Variants in ESR1 observed in about 807,000 individuals in gnomAD.
ESR1 encodes the protein estrogen receptor.
Under a neutral mutation model 52.7 loss-of-function variants are expected in ESR1, and 12 were observed. That is an observed-to-expected ratio of 0.23 (90% CI 0.15 to 0.37). ESR1 has a LOEUF of 0.37. Among genes scored for constraint, ESR1 ranks in the 10% least tolerant of loss-of-function variants. The probability of loss-of-function intolerance (pLI) is 1.00; values close to 1 mark genes in which losing one functional copy is unlikely to be tolerated. For missense variants in ESR1, 584 were observed against 779.7 expected (o/e 0.75, Z 2.99); for synonymous variants, 305 against 316.8 (o/e 0.96, Z 0.39).
chr6:151,865,348 A>T (rs1343604476), intron 2 of ESR1, among the ~76,000 whole-genome samples: 22 of 152,222 alleles, frequency 1.4e-4, no homozygotes. Flanking sequence ...GTATGGAGTA[A>T]TAATACCTTT....
chr6:152,008,688 T>A (rs1435110538), intron 4 of ESR1, among the ~76,000 whole-genome samples: 1 of 152,094 alleles, frequency 6.6e-6, no homozygotes, highest in African/African-American at 2.4e-5. Flanking sequence ...TGATTCTTTT[T>A]GAGGTTTATT....
intron 4 of ESR1, among the ~76,000 whole-genome samples, chr6:152,001,469 TCTTAAAGGCCTCAACTCTGTACACTG>T: frequency 6.6e-6 from 1 of 152,154 alleles, no homozygotes; most frequent in Admixed American, 6.5e-5. Flanking sequence ...CCTAATCACT[TCTTAAAGGCCTCAACTCTGTACACTG>T]CTACATTGTA....
At chr6:152,104,218 T>C (rs574355921), downstream of ESR1, among the ~76,000 whole-genome samples, 14 of 152,300 alleles carry the variant, frequency 9.2e-5, no homozygotes, top group Middle Eastern at 3.4e-3. Flanking sequence ...TTGAGGGTCT[T>C]CTCATTGTTT....
At chr6:151,940,474 C>A (rs1306838982) in intron 3 of ESR1, among the ~76,000 whole-genome samples, 1 of 152,148 alleles carries the variant, frequency 6.6e-6, no homozygotes, top group Non-Finnish European at 1.5e-5. Flanking sequence ...GTTCCAAAGC[C>A]AAAACCTGTG....
At chr6:152,062,053 T>C (rs932775404) in intron 6 of ESR1, among the ~76,000 whole-genome samples, 1 of 152,216 alleles carries the variant, frequency 6.6e-6, no homozygotes. Flanking sequence ...TGGGCCTGAC[T>C]TAGTTTCTTA....
chr6:151,735,570 T>C (rs1191989590), intron 2 of ESR1, among the ~76,000 whole-genome samples: 3 of 152,140 alleles, frequency 2.0e-5, no homozygotes, highest in Non-Finnish European at 4.4e-5. Flanking sequence ...TTTTTGTTTT[T>C]TTTTTCATTT....
rs2051234724 is a variant in ESR1, at chr6:152,118,434, A to G, written c.851-6832A>G. The G allele has an allele frequency of 1.3e-5, 2 of 152,222 alleles. 1 individual carries two copies. The highest frequency in any genetic ancestry group is 4.1e-4 in the South Asian group (2 of 4,826). The allele number at this position is 152,222 out of a possible 1,614,324, so 9.4% of individuals were successfully genotyped here. The stretch of plus-strand genomic sequence containing the variant: ...GAATACTATGCAGCCATAAAAAAGA[A>G]TGAGTTCTTGTCCTTTGCAGGGACA... On this transcript the variant is annotated intron_variant, in intron 6 of 6. Transcript: ENST00000427531.
intron 2 of ESR1, among the ~76,000 whole-genome samples, chr6:151,738,528 T>C (rs1319796575): frequency 6.6e-6 from 1 of 152,216 alleles, no homozygotes; most frequent in Non-Finnish European, 1.5e-5. Flanking sequence ...CAATGCTCGC[T>C]ATTTTTTGGG....
intron 5 of ESR1, among the ~76,000 whole-genome samples, chr6:152,051,255 G>C (rs2046653489): frequency 6.6e-6 from 1 of 152,054 alleles, no homozygotes. Flanking sequence ...GAATTTCTGT[G>C]CCCTCAAGTT....
At chr6:152,097,115 G>T (rs1343979795) in intron 7 of ESR1, among the ~76,000 whole-genome samples, 3 of 152,024 alleles carry the variant, frequency 2.0e-5, no homozygotes, top group African/African-American at 7.2e-5. Context: ...TGAAAAGCTG[G>T]AGAGGTTGCT....
chr6:151,684,362 G>A (rs1312849422), intron 1 of ESR1, among the ~76,000 whole-genome samples: 1 of 152,198 alleles, frequency 6.6e-6, no homozygotes, highest in Non-Finnish European at 1.5e-5. Context: ...CGGGTGATCA[G>A]GGATATGGTA....
chr6:151,790,526 C>G (rs1776050179), intron 2 of ESR1, among the ~76,000 whole-genome samples: 1 of 151,848 alleles, frequency 6.6e-6, no homozygotes, highest in African/African-American at 2.4e-5. Context: ...AATTCTTGAT[C>G]CTTTCGTATG....
At chr6:151,812,486 T>C (rs1376160104) in intron 1 of ESR1, among the ~76,000 whole-genome samples, 1 of 152,176 alleles carries the variant, frequency 6.6e-6, no homozygotes, top group Admixed American at 6.5e-5. Flanking sequence ...ATTTTACAGA[T>C]ACATTAAAGA....
intron 1 of ESR1, among the ~76,000 whole-genome samples, chr6:151,659,557 A>G (rs1771351): frequency 0.7 from 105,650 of 152,004 alleles, 37,948 homozygotes; most frequent in African/African-American, 0.88. Flanking sequence ...ATGAATTGGC[A>G]TTCCGATTTA....
chr6:151,880,442 A>G (rs956618155), intron 2 of ESR1, among the ~76,000 whole-genome samples: 1 of 151,798 alleles, frequency 6.6e-6, no homozygotes, highest in Non-Finnish European at 1.5e-5. Context: ...CGGCCTCCCA[A>G]AGTTCTGGGA....
chr6:151,854,428 C>A (rs1044108475), intron 2 of ESR1, among the ~76,000 whole-genome samples: 4 of 152,006 alleles, frequency 2.6e-5, no homozygotes, highest in Admixed American at 2.0e-4. Flanking sequence ...TTCCATTTTC[C>A]TTTAGCGGAA....
chr6:151,743,168 A>T (rs1358079498), intron 2 of ESR1, among the ~76,000 whole-genome samples: 5 of 151,916 alleles, frequency 3.3e-5, no homozygotes, highest in Non-Finnish European at 7.4e-5. Flanking sequence ...ATGATACAGG[A>T]GATGAGAGGA....
intron 2 of ESR1, among the ~76,000 whole-genome samples, chr6:151,707,472 T>G (rs891384007): frequency 6.6e-6 from 1 of 151,998 alleles, no homozygotes; most frequent in African/African-American, 2.4e-5. Context: ...TATATGTATA[T>G]ATACACATTA....
At chr6:151,929,192 T>C (rs1166203383) in intron 3 of ESR1, among the ~76,000 whole-genome samples, 2 of 152,248 alleles carry the variant, frequency 1.3e-5, no homozygotes, top group African/African-American at 2.4e-5. Context: ...TGGGCTTGTC[T>C]ATTTCCCCTT....
Sources: allele counts gnomAD v4.1 joint callset (sites outside exome capture counted in the v4.1 genomes callset), GRCh38; gene constraint gnomAD v4.1.1; transcripts MANE v1.5; gene names NCBI Gene and HGNC (gene_info 2026-07-23, HGNC 2026-07-21).